PUM2: variants seen among roughly 807,000 people sequenced by gnomAD.
The protein encoded by PUM2 is pumilio homolog 2.
Under a neutral mutation model 124.5 loss-of-function variants are expected in PUM2, and 57 were observed. The observed-to-expected ratio is 0.46, with a 90% confidence interval of 0.37 to 0.57. The LOEUF is 0.57. Ranked by LOEUF, PUM2 falls within the 20% of genes least tolerant of loss-of-function variation. The pLI, the probability that PUM2 is intolerant of heterozygous loss-of-function variation, is 0.00. For missense variants in PUM2, 1,065 were observed against 1,290.6 expected (o/e 0.83, Z 2.68); for synonymous variants, 460 against 446.1 (o/e 1.03, Z -0.39).
At chr2:20,265,396 ACTGT>A (rs1466116664) in intron 13 of PUM2, among the ~76,000 whole-genome samples, 3 of 152,194 alleles carry the variant, frequency 2.0e-5, no homozygotes, top group African/African-American at 7.2e-5. Flanking sequence ...GTGTTTCAAT[ACTGT>A]CTCACTACTG....
chr2:20,267,388 G>A (rs1319689473), intron 13 of PUM2, among the ~76,000 whole-genome samples: 1 of 152,096 alleles, frequency 6.6e-6, no homozygotes, highest in Non-Finnish European at 1.5e-5. Context: ...AGAAGAGAGG[G>A]AGAGAGAATC....
At chr2:20,317,699 C>T (rs752382249) in intron 3 of PUM2, among the ~76,000 whole-genome samples, 3 of 152,016 alleles carry the variant, frequency 2.0e-5, no homozygotes, top group Admixed American at 1.3e-4. Flanking sequence ...GATCCTCTCC[C>T]TCCTCCCACC....
Position 20,311,345 on chromosome 2 carries a change from T to A in PUM2, c.518+149A>T, listed in dbSNP as rs994280742. The A allele has an allele frequency of 9.3e-6, 8 of 864,318 alleles. No individual in the cohort carries two copies. The Admixed American group carries it at 2.1e-4, about 23-fold the overall frequency. The allele number at this position is 864,318 out of a possible 1,614,324, so 53.5% of individuals were successfully genotyped here. On this transcript the variant is annotated intron_variant, in intron 5 of 20. Transcript: ENST00000361078. ...ATGGTTCATAATCACAAATTTTCTT[T>A]ATAGTAAAAAACTAAAATTTGTCCA...
chr2:20,258,192 T>C (rs908080046), intron 16 of PUM2, 51 bp downstream of exon 16: 9 of 1,450,838 alleles, frequency 6.2e-6, no homozygotes, highest in East Asian at 5.0e-5. Context: ...CATGTAATAA[T>C]TTAAAAATTG....
At chr2:20,258,916 C>T (rs919408279) in intron 15 of PUM2, among the ~76,000 whole-genome samples, 12 of 151,848 alleles carry the variant, frequency 7.9e-5, no homozygotes, top group African/African-American at 2.9e-4. Context: ...ATCCACCCGC[C>T]TCGGCCTCCC....
At chr2:20,272,322 T>G (rs1429813869) in intron 13 of PUM2, among the ~76,000 whole-genome samples, 1 of 152,236 alleles carries the variant, frequency 6.6e-6, no homozygotes, top group Non-Finnish European at 1.5e-5. Context: ...GTAATTTCTT[T>G]GAGAATAAAG....
intron 7 of PUM2, among the ~76,000 whole-genome samples, chr2:20,302,037 T>A (rs1020006854): frequency 6.6e-6 from 1 of 152,246 alleles, no homozygotes; most frequent in African/African-American, 2.4e-5. Context: ...TGTACATTAC[T>A]ATATCCTTAA....
chr2:20,301,891 T>C (rs1360279321), intron 7 of PUM2, among the ~76,000 whole-genome samples: 1 of 152,222 alleles, frequency 6.6e-6, no homozygotes, highest in Non-Finnish European at 1.5e-5. Flanking sequence ...TCATTCTTTT[T>C]AATGGCTACA....
chr2:20,258,737 G>T (rs1358582582), intron 15 of PUM2, among the ~76,000 whole-genome samples: 1 of 139,276 alleles, frequency 7.2e-6, no homozygotes, highest in African/African-American at 2.7e-5. Flanking sequence ...GCACAATCTC[G>T]GCTCACTGCA....
chr2:20,280,627 A>G (rs1671288426), intron 12 of PUM2, among the ~76,000 whole-genome samples: 1 of 152,218 alleles, frequency 6.6e-6, no homozygotes, highest in Non-Finnish European at 1.5e-5. Flanking sequence ...TCCTCCAAAA[A>G]GGAAAAGTCA....
intron 2 of PUM2, among the ~76,000 whole-genome samples, chr2:20,324,637 T>C (rs1479553156): frequency 6.6e-6 from 1 of 152,192 alleles, no homozygotes; most frequent in Non-Finnish European, 1.5e-5. Context: ...TTGCTCTTTT[T>C]AAGCCACATG....
intron 2 of PUM2, among the ~76,000 whole-genome samples, chr2:20,321,206 G>C (rs1373739656): frequency 6.6e-6 from 1 of 152,186 alleles, no homozygotes; most frequent in Non-Finnish European, 1.5e-5. Context: ...AAAATTGCTT[G>C]AATCTGGGAG....
rs200316147 is a variant in PUM2 at position 20,253,980 on chromosome 2, G to A, written c.2905C>T (p.Arg969Cys). Reference sequence around the variant, plus strand: ...TCAATCAGTAAAGCTCTCTCAGCACGGGAGGCATGAGTAACACACTTTTCT... The same window carrying A: ...TCAATCAGTAAAGCTCTCTCAGCACAGGAGGCATGAGTAACACACTTTTCT... ...VVEKCVTHAS[R>C]AERALLIDEV... is the part of the protein sequence containing the mutation. Residue 969 changes from arginine to cysteine, a missense_variant, in exon 20 of 21, where the codon CGT becomes TGT. This residue lies in a region of PUM2 where 968 missense variants were observed against 1,159.8 expected (regional missense o/e 0.83). Coordinates refer to ENST00000361078, the MANE Select transcript of PUM2 (RefSeq NM_015317.5). 19 of 1,613,774 alleles carry A rather than the reference G, an allele frequency of 1.2e-5. No homozygotes were observed. The highest frequency in any genetic ancestry group is 2.2e-5 in the South Asian group (2 of 91,002).
intron 2 of PUM2, among the ~76,000 whole-genome samples, chr2:20,325,778 C>T (rs967956997): frequency 9.2e-5 from 14 of 152,082 alleles, no homozygotes; most frequent in African/African-American, 2.9e-4. Flanking sequence ...CCTGCCGCCA[C>T]GCCCGGCTAA....
chr2:20,292,875 T>C (rs991159250), intron 9 of PUM2, among the ~76,000 whole-genome samples: 1 of 151,948 alleles, frequency 6.6e-6, no homozygotes, highest in Non-Finnish European at 1.5e-5. Context: ...TGTGGTGAGC[T>C]GAGATCACTC....
In PUM2 at chr2:20,250,439, T is replaced by C. The variant is rs934572397; in HGVS notation, c.*1146A>G. 3 of 152,706 alleles carry C rather than the reference T, an allele frequency of 2.0e-5. No homozygotes were observed. The highest frequency in any genetic ancestry group is 1.3e-4 in the Admixed American group (2 of 15,292). 9.5% of individuals were successfully genotyped at this position (152,706 alleles called of 1,614,324 possible). ...GATAAAACAAATTCCATTTACAGCATGAAGGTTTACAAATGTACACCTGTA... is the reference window on the plus strand; with the variant it reads ...GATAAAACAAATTCCATTTACAGCACGAAGGTTTACAAATGTACACCTGTA... On this transcript the variant is annotated 3_prime_UTR_variant, in exon 21 of 21. Coordinates refer to ENST00000361078, the MANE Select transcript of PUM2 (RefSeq NM_015317.5).
upstream of PUM2, among the ~76,000 whole-genome samples, chr2:20,351,865 G>C (rs745680736): frequency 5.9e-5 from 9 of 152,146 alleles, no homozygotes; most frequent in Non-Finnish European, 1.3e-4. Flanking sequence ...CACTGTGCCC[G>C]CAAGTGCCTG....
chr2:20,332,176 T>C (rs1685052541), intron 1 of PUM2, among the ~76,000 whole-genome samples: 2 of 152,166 alleles, frequency 1.3e-5, no homozygotes, highest in Non-Finnish European at 2.9e-5. Context: ...CTTTCTCTCT[T>C]GACTGCTCCC....
At chr2:20,325,020 T>C (rs1342198269) in intron 2 of PUM2, among the ~76,000 whole-genome samples, 3 of 150,642 alleles carry the variant, frequency 2.0e-5, no homozygotes, top group African/African-American at 7.3e-5. Context: ...GAATGAATTC[T>C]GGGATATAAC....
Sources: allele counts gnomAD v4.1 joint callset (sites outside exome capture counted in the v4.1 genomes callset), GRCh38; gene constraint gnomAD v4.1.1; regional missense constraint gnomAD v4.1.1; transcripts MANE v1.5; gene names NCBI Gene and HGNC (gene_info 2026-07-23, HGNC 2026-07-21).